The following CEP162 variants were observed in gnomAD, a reference collection of about 807,000 sequenced individuals.
CEP162 encodes centrosomal protein of 162 kDa.
Under a neutral mutation model 169.2 loss-of-function variants are expected in CEP162, and 141 were observed. That is an observed-to-expected ratio of 0.83 (90% CI 0.73 to 0.96). CEP162 has a LOEUF of 0.96. Among genes scored for constraint, CEP162 ranks in the 40% least tolerant of loss-of-function variants. CEP162 has a pLI of 0.00. For synonymous variants in CEP162, 540 were observed against 526.4 expected (o/e 1.03, Z -0.35); for missense variants, 1,600 against 1,587.2 (o/e 1.01, Z -0.14).
At chr6:84,172,441 A>G (rs1433374362) in intron 16 of CEP162, among the ~76,000 whole-genome samples, 2 of 152,192 alleles carry the variant, frequency 1.3e-5, no homozygotes, top group African/African-American at 4.8e-5. Flanking sequence ...GGCTTTGAGT[A>G]TCTAATGCAA....
chr6:84,152,567 G>A lies in CEP162; in HGVS notation c.3607C>T (p.Gln1203Ter). ...TACCTTCTCATGGAGTTTTCAAATT[G>A]ATTCATCACTGCTTCAGATTTCATC... ...LKMKSEAVMN[Q>*]FENSMRRVKE... The change falls in exon 23 of 27, where the codon CAA becomes TAA. Residue 1203 changes from glutamine (Q) to a stop codon, truncating the protein, a stop_gained. Transcript: ENST00000403245. LOFTEE classifies it high-confidence loss of function. 1 of 1,502,614 alleles carries A rather than the reference G, an allele frequency of 6.7e-7. No homozygotes were observed. The highest frequency in any genetic ancestry group is 8.9e-7 in the Non-Finnish European group (1 of 1,125,130). The allele number at this position is 1,502,614 out of a possible 1,614,324, so 93.1% of individuals were successfully genotyped here.
intron 25 of CEP162, among the ~76,000 whole-genome samples, chr6:84,144,804 T>C (rs2099518134): frequency 1.3e-5 from 2 of 152,144 alleles, no homozygotes; most frequent in African/African-American, 4.8e-5. Flanking sequence ...TAGAGAACTT[T>C]TTCTCTTAAG....
intron 17 of CEP162, among the ~76,000 whole-genome samples, chr6:84,171,299 C>T (rs2099530014): frequency 6.6e-6 from 1 of 152,128 alleles, no homozygotes; most frequent in African/African-American, 2.4e-5. Flanking sequence ...TTAATTATCT[C>T]ATTCTTAATG....
chr6:84,141,965 G>A (rs187192907), intron 25 of CEP162, among the ~76,000 whole-genome samples: 133 of 152,196 alleles, frequency 8.7e-4, no homozygotes, highest in African/African-American at 2.7e-3. Context: ...GAAAACTTCC[G>A]TCCTTTCTCA....
Position 84,153,146 on chromosome 6 carries a change from G to A in CEP162, c.3028C>T (p.Gln1010Ter). ...QYEQRLEQQE[Q>*]LLACKLNQHD... ...TGATTCAATTTGCAGGCAAGTAGCT[G>A]CTCCTGCTGCTCTAGTCTTTGTTCA... Residue 1010 changes from glutamine to a stop codon, truncating the protein, a stop_gained, in exon 23 of 27, where the codon CAG becomes TAG. Coordinates refer to ENST00000403245, the MANE Select transcript of CEP162 (RefSeq NM_014895.4). LOFTEE classifies it high-confidence loss of function. The A allele has an allele frequency of 6.2e-7, 1 of 1,608,170 alleles. No individual in the cohort carries two copies. Among genetic ancestry groups the A allele is most frequent in the South Asian group, 1.1e-5 (1 of 89,638 alleles).
chr6:84,154,924 T>C (rs2129204205), intron 22 of CEP162, among the ~76,000 whole-genome samples: 1 of 152,320 alleles, frequency 6.6e-6, no homozygotes, highest in South Asian at 2.1e-4. Context: ...TTCTGTCTTA[T>C]TCCCTTACCC....
intron 6 of CEP162, among the ~76,000 whole-genome samples, chr6:84,210,030 A>T (rs2127743305): frequency 6.6e-6 from 1 of 152,324 alleles, no homozygotes; most frequent in East Asian, 1.9e-4. Context: ...GAGTAAAACA[A>T]ATTTGAGAGG....
intron 21 of CEP162, among the ~76,000 whole-genome samples, chr6:84,158,503 A>T (rs1588753952): frequency 1.3e-5 from 2 of 152,188 alleles, no homozygotes; most frequent in South Asian, 4.1e-4. Flanking sequence ...TTAGGTATTT[A>T]AGGGGCATAT....
chr6:84,224,916 T>A (rs2099555122), intron 2 of CEP162, among the ~76,000 whole-genome samples: 1 of 152,224 alleles, frequency 6.6e-6, no homozygotes, highest in Admixed American at 6.5e-5. Context: ...TTTTAAAAAA[T>A]CAACTTTTCA....
intron 21 of CEP162, among the ~76,000 whole-genome samples, chr6:84,156,150 T>C (rs889739300): frequency 5.3e-5 from 8 of 152,068 alleles, no homozygotes; most frequent in Non-Finnish European, 1.2e-4. Flanking sequence ...ATTCAATAAA[T>C]GGTGCTGGGA....
chr6:84,147,396 T>C (rs1050735597), intron 24 of CEP162, among the ~76,000 whole-genome samples: 1 of 152,158 alleles, frequency 6.6e-6, no homozygotes, highest in East Asian at 1.9e-4. Context: ...GTTAGATAGA[T>C]GAAATAAGTT....
At position 84,193,701 on chromosome 6, in the gene CEP162, GA is replaced by G. The variant is rs536923886; in HGVS notation, c.1028-12del. On this transcript the variant is annotated splice_polypyrimidine_tract_variant and intron_variant, in intron 10 of 26. Coordinates refer to ENST00000403245, the MANE Select transcript of CEP162 (RefSeq NM_014895.4). ...CTACTGTGGGCAGATCTAAGAGGTG[GA>G]AAAAAAAGTAGAAACGAAAAATGTT... 44 of 1,521,332 alleles carry G rather than the reference GA, an allele frequency of 2.9e-5. No individual in the cohort carries two copies. Among genetic ancestry groups the G allele is most frequent in the Admixed American group, 1.7e-4 (8 of 46,266 alleles). 94.2% of individuals were successfully genotyped at this position (1,521,332 alleles called of 1,614,324 possible). A position where few individuals can be genotyped will look rare whatever the true frequency, so the allele number is the denominator to read the frequency against.
In CEP162 at chr6:84,160,802, G is replaced by A. The variant is rs1462891495; in HGVS notation, c.2781+10C>T. 5 of 1,543,340 alleles carry A rather than the reference G, an allele frequency of 3.2e-6. No individual in the cohort carries two copies. The highest frequency in any genetic ancestry group is 4.5e-6 in the Non-Finnish European group (5 of 1,116,278). On this transcript the variant is annotated intron_variant, in intron 21 of 26. Transcript: ENST00000403245. Reference sequence around the variant, plus strand: ...AAATATGCTCATGAAAATTTACCCTGAACACATACTTGTCGCTCCAGATCC... The same window carrying A: ...AAATATGCTCATGAAAATTTACCCTAAACACATACTTGTCGCTCCAGATCC...
chr6:84,160,997 C>T (rs2099525523), intron 20 of CEP162, 81 bp from the exon 21 acceptor site: 3 of 933,514 alleles, frequency 3.2e-6, no homozygotes, highest in Admixed American at 3.7e-5. Flanking sequence ...AATATTAGTG[C>T]ACTCATACAT....
chr6:84,142,501 A>G lies in CEP162; in HGVS notation c.3870+4186T>C, dbSNP rs1052040877. ...AGAGCACTATTTAATTGGCTTACAG[A>G]AAAAGAAGCACTTACACAAATTAAG... On this transcript the variant is annotated intron_variant, in intron 25 of 26. Coordinates refer to ENST00000403245, the MANE Select transcript of CEP162 (RefSeq NM_014895.4). Among the ~76,000 whole-genome samples, 4 of 152,282 alleles carry G rather than the reference A, an allele frequency of 2.6e-5. No homozygotes were observed. In the East Asian group the frequency reaches 7.7e-4, roughly 29 times the overall value.
chr6:84,146,855 G>T, intron 24 of CEP162, 70 bp from the exon 25 acceptor site: 1 of 779,858 alleles, frequency 1.3e-6, no homozygotes, highest in Non-Finnish European at 2.0e-6. Context: ...ATATAAGAAA[G>T]CCAACTCACA....
At position 84,215,932 on chromosome 6, in the gene CEP162, CAATT is replaced by C; in HGVS notation, c.173-14_173-11del. 6.5e-7 allele frequency: 1 copy of C among 1,526,954 alleles called. No homozygotes were observed. The highest frequency in any genetic ancestry group is 8.8e-7 in the Non-Finnish European group (1 of 1,139,286). The allele number at this position is 1,526,954 out of a possible 1,614,324, so 94.6% of individuals were successfully genotyped here. On this transcript the variant is annotated splice_polypyrimidine_tract_variant and intron_variant, in intron 3 of 26. Transcript: ENST00000403245. ...TTTGTTCCAAGAAGTCCTAGGTACA[CAATT>C]TAATACAGATGAAGATTTATGTTCA...
Position 84,174,896 on chromosome 6 carries a change from A to T in CEP162, c.1856T>A (p.Val619Asp). ...KEKKLLMFKRVQEAEDKWRGA... is the reference protein window; with the variant it reads ...KEKKLLMFKRDQEAEDKWRGA... ...CCTCCATTTATCCTCTGCTTCCTGA[A>T]CTCTTTTAAACATAAGTAATTTCTT... is the stretch of plus-strand genomic sequence containing the variant. The change falls in exon 15 of 27, where the codon GTT (valine) becomes GAT (aspartate). Residue 619 changes from valine (V) to aspartate (D), a missense_variant. Transcript: ENST00000403245. 5.1e-6 allele frequency: 8 copies of T among 1,572,488 alleles called. No individual in the cohort carries two copies. The highest frequency in any genetic ancestry group is 6.9e-6 in the Non-Finnish European group (8 of 1,157,788).
chr6:84,212,819 T>C (rs756707647), intron 6 of CEP162, 138 bp downstream of exon 6: 28 of 592,242 alleles, frequency 4.7e-5, no homozygotes, highest in Non-Finnish European at 7.5e-5. Context: ...CAGCTCAGTT[T>C]ATAACACAGG....
Sources: allele counts gnomAD v4.1 joint callset (sites outside exome capture counted in the v4.1 genomes callset), GRCh38; gene constraint gnomAD v4.1.1; transcripts MANE v1.5; gene names NCBI Gene and HGNC (gene_info 2026-07-23, HGNC 2026-07-21).